The following SGCZ variants were observed in gnomAD, a reference collection of about 807,000 sequenced individuals.
SGCZ encodes sarcoglycan zeta.
A neutral mutation model predicts 41.3 loss-of-function variants in SGCZ; 40 were observed. That is an observed-to-expected ratio of 0.97 (90% CI 0.75 to 1.26). The LOEUF is 1.26. Among genes scored for constraint, SGCZ ranks in the 50% most tolerant of loss-of-function variants. SGCZ has a pLI of 0.00. For missense variants in SGCZ, 552 were observed against 369.8 expected, an observed-to-expected ratio of 1.49 and a Z score of -4.04; for synonymous variants, 206 against 137.5, an observed-to-expected ratio of 1.50 and a Z score of -3.49.
At chr8:14,680,672 C>T (rs917219466) in intron 1 of SGCZ, among the ~76,000 whole-genome samples, 22 of 149,988 alleles carry the variant, frequency 1.5e-4, no homozygotes, top group African/African-American at 5.3e-4. Context: ...ATAGATTGTA[C>T]GGAGCAAGAA....
chr8:14,154,473 G>A (rs1021384498), intron 5 of SGCZ, among the ~76,000 whole-genome samples: 20 of 152,144 alleles, frequency 1.3e-4, no homozygotes, highest in African/African-American at 4.3e-4. Context: ...TAAGCTGATC[G>A]AGACACATGT....
chr8:14,814,691 G>A (rs908052234), intron 1 of SGCZ, among the ~76,000 whole-genome samples: 1 of 152,130 alleles, frequency 6.6e-6, no homozygotes, highest in Non-Finnish European at 1.5e-5. Context: ...GGAACTTGGA[G>A]AATTTTTTGT....
chr8:14,918,344 C>A (rs1411319644), intron 1 of SGCZ, among the ~76,000 whole-genome samples: 1 of 151,892 alleles, frequency 6.6e-6, no homozygotes, highest in African/African-American at 2.4e-5. Flanking sequence ...AGAACATTTT[C>A]TTCTTCATGA....
chr8:14,953,310 C>T (rs188068883), intron 1 of SGCZ, among the ~76,000 whole-genome samples: 14 of 152,224 alleles, frequency 9.2e-5, no homozygotes, highest in Admixed American at 2.6e-4. Flanking sequence ...GGAAGCGCTA[C>T]GTACATTCAA....
At chr8:14,738,780 A>T (rs2130269531) in intron 1 of SGCZ, among the ~76,000 whole-genome samples, 1 of 151,948 alleles carries the variant, frequency 6.6e-6, no homozygotes, top group African/African-American at 2.4e-5. Flanking sequence ...AACCCTACTA[A>T]CTATGCCGTT....
intron 1 of SGCZ, among the ~76,000 whole-genome samples, chr8:14,810,402 A>T (rs1264805110): frequency 6.6e-6 from 1 of 152,060 alleles, no homozygotes; most frequent in East Asian, 1.9e-4. Context: ...GAAATGGTGC[A>T]GCAGTGTGTA....
chr8:14,584,874 AAGAAAC>A (rs1388543578), intron 1 of SGCZ, among the ~76,000 whole-genome samples: 1 of 152,136 alleles, frequency 6.6e-6, no homozygotes, highest in African/African-American at 2.4e-5. Context: ...ATTTTGTAGA[AAGAAAC>A]AGAATATGTA....
At chr8:15,098,372 A>C (rs1390731304) in intron 1 of SGCZ, among the ~76,000 whole-genome samples, 1 of 152,192 alleles carries the variant, frequency 6.6e-6, no homozygotes, top group Non-Finnish European at 1.5e-5. Flanking sequence ...CAGAACTAAA[A>C]GAAAATCATA....
chr8:15,084,602 A>C (rs914645872), intron 1 of SGCZ, among the ~76,000 whole-genome samples: 1 of 152,004 alleles, frequency 6.6e-6, no homozygotes, highest in Non-Finnish European at 1.5e-5. Context: ...AAATACAAAA[A>C]TTAGCTGGGC....
At chr8:14,817,517 ACTTTC>A (rs150599700) in intron 1 of SGCZ, among the ~76,000 whole-genome samples, 1 of 152,278 alleles carries the variant, frequency 6.6e-6, no homozygotes, top group Non-Finnish European at 1.5e-5. Context: ...TTTCTAGAGT[ACTTTC>A]TGCCCTAGGG....
chr8:15,065,415 A>AATTATTATTATT (rs200765691), intron 1 of SGCZ, among the ~76,000 whole-genome samples: 42 of 137,468 alleles, frequency 3.1e-4, no homozygotes, highest in Non-Finnish European at 3.6e-4. Context: ...ATGGTATTGT[A>AATTATTATTATT]ATTATTATTA....
chr8:14,334,867 T>TCATTATA (rs1385237060), intron 2 of SGCZ, among the ~76,000 whole-genome samples: 4 of 152,140 alleles, frequency 2.6e-5, no homozygotes, highest in Non-Finnish European at 4.4e-5. Context: ...TGTAATACAT[T>TCATTATA]CATTATACAG....
intron 1 of SGCZ, among the ~76,000 whole-genome samples, chr8:14,731,580 A>AT (rs1810241078): frequency 6.6e-6 from 1 of 152,164 alleles, no homozygotes; most frequent in African/African-American, 2.4e-5. Context: ...TAATTCAACA[A>AT]TACTTGTAGA....
chr8:14,826,185 T>C (rs1802305594), intron 1 of SGCZ, among the ~76,000 whole-genome samples: 2 of 151,060 alleles, frequency 1.3e-5, no homozygotes, highest in African/African-American at 4.9e-5. Flanking sequence ...CATGCAGTGT[T>C]TGGTTTTTTG....
At chr8:14,541,900 C>G (rs1219033832) in intron 2 of SGCZ, among the ~76,000 whole-genome samples, 1 of 151,998 alleles carries the variant, frequency 6.6e-6, no homozygotes, top group Non-Finnish European at 1.5e-5. Flanking sequence ...AGCTTTTTTC[C>G]ATATGTTTGT....
At chr8:14,543,205 G>A (rs1006427159) in intron 2 of SGCZ, among the ~76,000 whole-genome samples, 1 of 151,900 alleles carries the variant, frequency 6.6e-6, no homozygotes, top group East Asian at 1.9e-4. Flanking sequence ...GAATGCTTTG[G>A]TTTCTTGCTC....
chr8:14,423,299 A>T (rs914678764), intron 2 of SGCZ, among the ~76,000 whole-genome samples: 1 of 150,728 alleles, frequency 6.6e-6, no homozygotes. Context: ...GTACCCTAAA[A>T]CTTAAAGTAT....
At chr8:14,367,194 G>C (rs62497818) in intron 2 of SGCZ, among the ~76,000 whole-genome samples, 29,801 of 151,992 alleles carry the variant, frequency 0.2, 3,653 homozygotes, top group Non-Finnish European at 0.29. Flanking sequence ...CTAAAGTATA[G>C]CAAAAGTCAC....
chr8:14,837,157 T>C (rs1364192222), intron 1 of SGCZ, among the ~76,000 whole-genome samples: 1 of 152,142 alleles, frequency 6.6e-6, no homozygotes, highest in Non-Finnish European at 1.5e-5. Flanking sequence ...TCATGGAGCT[T>C]TCTCTCCTTG....
Sources: gnomAD v4.1 joint callset for allele counts (sites outside exome capture counted in the v4.1 genomes callset) on GRCh38, gnomAD v4.1.1 for gene constraint, MANE v1.5 for transcripts, NCBI Gene and HGNC (gene_info 2026-07-23, HGNC 2026-07-21) for gene names.